PAK1IP1: variants seen among roughly 807,000 people sequenced by gnomAD.
The protein encoded by PAK1IP1 is p21-activated protein kinase-interacting protein 1.
PAK1IP1 carries 24 observed loss-of-function variants against 42.0 expected under a neutral mutation model. The observed-to-expected ratio is 0.57, with a 90% CI of 0.41 to 0.80. PAK1IP1 has a LOEUF of 0.80. Among genes scored for constraint, PAK1IP1 ranks in the 30% least tolerant of loss-of-function variants. The probability of loss-of-function intolerance (pLI) is 0.00; values close to 1 mark genes in which losing one functional copy is unlikely to be tolerated. For missense variants in PAK1IP1, 411 were observed against 467.9 expected, an observed-to-expected ratio of 0.88 and a Z score of 1.12; for synonymous variants, 154 against 156.7, an observed-to-expected ratio of 0.98 and a Z score of 0.13.
At chr6:10,701,189 G>C (rs1427973678) in intron 2 of PAK1IP1, among the ~76,000 whole-genome samples, 1 of 152,156 alleles carries the variant, frequency 6.6e-6, no homozygotes, top group Non-Finnish European at 1.5e-5. Context: ...CGATTCTTGT[G>C]CCTCAGCCTC....
chr6:10,699,536 A>G (rs960738963), intron 2 of PAK1IP1, among the ~76,000 whole-genome samples: 1 of 152,220 alleles, frequency 6.6e-6, no homozygotes, highest in African/African-American at 2.4e-5. Context: ...GGATAGTGGC[A>G]GAATCAAGGG....
chr6:10,703,306 T>C, intron 4 of PAK1IP1, 99 bp from the exon 5 acceptor site: 1 of 814,230 alleles, frequency 1.2e-6, no homozygotes, highest in Admixed American at 2.3e-5. Context: ...ATAGCCAATA[T>C]TTAGTAAAAT....
At chr6:10,694,281 G>GAAAAAA (rs1769644187), upstream of PAK1IP1, among the ~76,000 whole-genome samples, 2 of 135,674 alleles carry the variant, frequency 1.5e-5, no homozygotes, top group South Asian at 2.2e-4. Flanking sequence ...AAAAAAAAAT[G>GAAAAAA]AAGGCTCACT....
At chr6:10,698,412 AG>A (rs1212938424) in intron 2 of PAK1IP1, among the ~76,000 whole-genome samples, 1 of 152,266 alleles carries the variant, frequency 6.6e-6, no homozygotes, top group Non-Finnish European at 1.5e-5. Context: ...GACTTGCCGA[AG>A]GTCTCAAACA....
At chr6:10,694,965 A>C (rs112419636), upstream of PAK1IP1, 2,927 of 1,520,382 alleles carry the variant, frequency 1.9e-3, 32 homozygotes, top group African/African-American at 0.037. Flanking sequence ...GGGCTGGCGG[A>C]AGAGGCACGT....
intron 7 of PAK1IP1, 46 bp downstream of exon 7, chr6:10,704,890 G>T (rs763696004): frequency 8.8e-7 from 1 of 1,136,682 alleles, no homozygotes; most frequent in South Asian, 1.2e-5. Context: ...TTAATAAAAG[G>T]TATATATGCA....
chr6:10,699,898 A>G (rs141965112), intron 2 of PAK1IP1, among the ~76,000 whole-genome samples: 189 of 152,304 alleles, frequency 1.2e-3, no homozygotes, highest in South Asian at 3.7e-3. Flanking sequence ...GAAGTCTAAG[A>G]TTAAGGCACC....
At chr6:10,707,340 T>G in intron 7 of PAK1IP1, 75 bp from the exon 8 acceptor site, 2 of 858,006 alleles carry the variant, frequency 2.3e-6, no homozygotes, top group Non-Finnish European at 4.0e-6. Context: ...GCACTAGTCT[T>G]TGTGTGTAAT....
chr6:10,692,325 C>G (rs1769391963), upstream of PAK1IP1, among the ~76,000 whole-genome samples: 3 of 152,194 alleles, frequency 2.0e-5, no homozygotes, highest in Admixed American at 1.3e-4. Flanking sequence ...CTTCACACTC[C>G]TCTAATCTTA....
chr6:10,703,652 G>A lies in PAK1IP1; in HGVS notation c.496+195G>A, dbSNP rs369652465. Among the ~76,000 whole-genome samples, 68 of 152,184 alleles carry A rather than the reference G, an allele frequency of 4.5e-4. 1 individual carries two copies. The East Asian group carries it at 0.01, about 23-fold the overall frequency. ...AAAATATTGTGTAAAATTACCTTCC[G>A]GCTAGGTGTATATGAAGCATAGATG... On this transcript the variant is annotated intron_variant, in intron 5 of 9. Transcript: ENST00000379568.
chr6:10,703,440 TA>T lies in PAK1IP1; in HGVS notation c.485del (p.Asn162IlefsTer2). On this transcript the variant is annotated frameshift_variant, in exon 5 of 10. Transcript: ENST00000379568. LOFTEE classifies it high-confidence loss of function. ...WNLVEGRSAF[I>X]KNIKQNAHIV... Reference sequence around the variant, plus strand: ...CTTGTAGAAGGAAGATCAGCATTCATAAAAAATATAAAACAAAGTGAGTATT... The same window carrying T: ...CTTGTAGAAGGAAGATCAGCATTCATAAAAATATAAAACAAAGTGAGTATT... 6.2e-7 allele frequency: 1 copy of T among 1,609,154 alleles called. No individual in the cohort carries two copies. Among genetic ancestry groups the T allele is most frequent in the Non-Finnish European group, 8.5e-7 (1 of 1,176,252 alleles).
intron 4 of PAK1IP1, among the ~76,000 whole-genome samples, 185 bp downstream of exon 4, chr6:10,702,824 CGCTCTGTCTCCCT>C (rs1561892904): frequency 6.6e-6 from 1 of 151,696 alleles, no homozygotes; most frequent in East Asian, 1.9e-4. Context: ...GACAGAGTCT[CGCTCTGTCTCCCT>C]GCTCTGTCGC....
intron 5 of PAK1IP1, 77 bp from the exon 6 acceptor site, chr6:10,704,430 A>G: frequency 1.2e-6 from 1 of 802,910 alleles, no homozygotes; most frequent in South Asian, 1.8e-5. Context: ...CAGTATAAAT[A>G]TTTGCTATTT....
At chr6:10,702,662 C>T (rs1415965954) in intron 4 of PAK1IP1, 23 bp downstream of exon 4, 2 of 1,522,170 alleles carry the variant, frequency 1.3e-6, no homozygotes, top group East Asian at 4.5e-5. Flanking sequence ...TGCTCAAGAG[C>T]ATTTATCTAA....
upstream of PAK1IP1, chr6:10,694,955 G>T: frequency 6.8e-7 from 1 of 1,460,128 alleles, no homozygotes; most frequent in Non-Finnish European, 9.4e-7. Context: ...AGGCTGAGCC[G>T]GGCTGGCGGA....
At chr6:10,693,452 T>C (rs1769535532), upstream of PAK1IP1, among the ~76,000 whole-genome samples, 1 of 152,236 alleles carries the variant, frequency 6.6e-6, no homozygotes, top group African/African-American at 2.4e-5. Context: ...ATGAAATCAT[T>C]TCTGCAAGAC....
intron 8 of PAK1IP1, among the ~76,000 whole-genome samples, chr6:10,708,321 C>T (rs1248355708): frequency 1.5e-5 from 2 of 130,888 alleles, no homozygotes; most frequent in South Asian, 4.2e-4. Context: ...TTTTTCACTT[C>T]GTGTATGTTT....
chr6:10,694,288 C>T (rs1480069784), upstream of PAK1IP1, among the ~76,000 whole-genome samples: 1 of 146,476 alleles, frequency 6.8e-6, no homozygotes, highest in Non-Finnish European at 1.5e-5. Context: ...AATGAAGGCT[C>T]ACTGCTCCCT....
upstream of PAK1IP1, among the ~76,000 whole-genome samples, chr6:10,692,168 T>G (rs1769374822): frequency 6.6e-6 from 1 of 152,174 alleles, no homozygotes; most frequent in Non-Finnish European, 1.5e-5. Flanking sequence ...CGGTTTTTAA[T>G]TTGTGGATGA....
Sources: allele counts gnomAD v4.1 joint callset (sites outside exome capture counted in the v4.1 genomes callset), GRCh38; gene constraint gnomAD v4.1.1; transcripts MANE v1.5; gene names NCBI Gene and HGNC (gene_info 2026-07-23, HGNC 2026-07-21).